Variants in LAPTM4A observed in about 807,000 individuals in gnomAD.
LAPTM4A encodes the protein lysosomal-associated transmembrane protein 4A.
A neutral mutation model predicts 29.9 loss-of-function variants in LAPTM4A; 19 were observed. The observed-to-expected ratio is 0.64, with a 90% CI of 0.44 to 0.93. The LOEUF is 0.93. Among genes scored for constraint, LAPTM4A ranks in the 40% least tolerant of loss-of-function variants. LAPTM4A has a pLI of 0.00. For synonymous variants in LAPTM4A, 105 were observed against 102.1 expected, an observed-to-expected ratio of 1.03 and a Z score of -0.17; for missense variants, 293 against 288.5, an observed-to-expected ratio of 1.02 and a Z score of -0.11.
chr2:20,040,223 A>G (rs528579008), intron 2 of LAPTM4A, among the ~76,000 whole-genome samples: 3 of 152,206 alleles, frequency 2.0e-5, no homozygotes, highest in Admixed American at 1.3e-4. Flanking sequence ...TAGTAGCTAC[A>G]TTAAAAAAAA....
At chr2:20,047,596 A>AGGAG (rs1371326761) in intron 1 of LAPTM4A, among the ~76,000 whole-genome samples, 27 of 149,934 alleles carry the variant, frequency 1.8e-4, no homozygotes, top group Admixed American at 4.0e-4. Flanking sequence ...AGGCTGAGGC[A>AGGAG]GGAGAATGGC....
chr2:20,049,465 G>A (rs1290638973), intron 1 of LAPTM4A, among the ~76,000 whole-genome samples: 4 of 152,192 alleles, frequency 2.6e-5, no homozygotes, highest in Admixed American at 2.6e-4. Context: ...GTAGGGAACA[G>A]ATGTAAACTC....
chr2:20,035,149 GCAC>G (rs914638729), intron 4 of LAPTM4A, 87 bp from the exon 5 acceptor site: 8 of 841,538 alleles, frequency 9.5e-6, no homozygotes, highest in Admixed American at 6.6e-5. Context: ...GAATACAAAG[GCAC>G]CAAAGTCAAA....
intron 1 of LAPTM4A, among the ~76,000 whole-genome samples, chr2:20,050,032 C>T (rs938678439): frequency 6.6e-6 from 1 of 152,122 alleles, no homozygotes; most frequent in Non-Finnish European, 1.5e-5. Flanking sequence ...AAATACAGAA[C>T]GAAAGAGTCT....
At chr2:20,034,924 G>A (rs903417385) in intron 5 of LAPTM4A, 43 bp downstream of exon 5, 3 of 1,369,710 alleles carry the variant, frequency 2.2e-6, no homozygotes, top group Non-Finnish European at 3.1e-6. Flanking sequence ...TAGATTCACA[G>A]TGTCAATCTC....
chr2:20,035,279 A>G, intron 4 of LAPTM4A: 1 of 491,474 alleles, frequency 2.0e-6, no homozygotes. Context: ...ATAACCCACA[A>G]TGCTCCAAAA....
Position 20,040,861 on chromosome 2 carries a change from G to A in LAPTM4A, c.232+30C>T, listed in dbSNP as rs746709919. 3.1e-6 allele frequency: 5 copies of A among 1,603,608 alleles called. No homozygotes were observed. In the South Asian group the frequency reaches 3.3e-5, roughly 11 times the overall value. On this transcript the variant is annotated intron_variant, in intron 2 of 6. Coordinates refer to ENST00000175091, the MANE Select transcript of LAPTM4A (RefSeq NM_014713.5). ...ACTGTATATAAAAATTAGCAGGGGA[G>A]ATTTTTTTGTTTTTCTATTAAACAC...
intron 4 of LAPTM4A, chr2:20,035,360 A>G (rs1182080639): frequency 3.1e-5 from 10 of 326,486 alleles, no homozygotes; most frequent in Non-Finnish European, 5.9e-5. Flanking sequence ...GAAAAACACT[A>G]TCGCCTATAT....
chr2:20,038,233 T>C (rs1233189713), intron 2 of LAPTM4A, among the ~76,000 whole-genome samples: 1 of 152,224 alleles, frequency 6.6e-6, no homozygotes, highest in Admixed American at 6.5e-5. Context: ...TCCTGCACCC[T>C]GGTATCTATG....
intron 1 of LAPTM4A, among the ~76,000 whole-genome samples, chr2:20,043,573 T>C (rs747286386): frequency 1.3e-5 from 2 of 152,236 alleles, no homozygotes; most frequent in Non-Finnish European, 2.9e-5. Context: ...TCACCTTGAA[T>C]GATAAACACA....
At chr2:20,046,745 A>G (rs1161449742) in intron 1 of LAPTM4A, among the ~76,000 whole-genome samples, 5 of 133,982 alleles carry the variant, frequency 3.7e-5, no homozygotes, top group Admixed American at 2.3e-4. Flanking sequence ...ATATAAATAT[A>G]TATTATATAA....
Position 20,051,484 on chromosome 2 carries a change from G to A in LAPTM4A, c.37C>T (p.Arg13Trp). ...CCGCAGCACCGGGTGCTGTAGAACC[G>A]GTCACTGCGGTTCCGCTTGAAACTC... is the stretch of plus-strand genomic sequence containing the variant. ...SMSFKRNRSDRFYSTRCCGCC... is the reference protein window; with the variant it reads ...SMSFKRNRSDWFYSTRCCGCC... Residue 13 changes from arginine (R) to tryptophan (W), a missense_variant, in exon 1 of 7, where the codon CGG (arginine) becomes TGG (tryptophan). By Grantham distance (101) the Arg-to-Trp change is moderately radical. Transcript: ENST00000175091. 4 of 1,612,224 alleles carry A rather than the reference G, an allele frequency of 2.5e-6. No homozygotes were observed. Among genetic ancestry groups the A allele is most frequent in the Non-Finnish European group, 3.4e-6 (4 of 1,179,196 alleles).
At chr2:20,041,142 T>C (rs1401839362) in intron 1 of LAPTM4A, 131 bp from the exon 2 acceptor site, 15 of 721,066 alleles carry the variant, frequency 2.1e-5, no homozygotes, top group Non-Finnish European at 3.4e-5. Flanking sequence ...AGTGGGAGAC[T>C]ACCTGTGAGA....
intron 1 of LAPTM4A, among the ~76,000 whole-genome samples, chr2:20,046,551 G>A (rs186200412): frequency 3.3e-5 from 5 of 151,182 alleles, no homozygotes; most frequent in African/African-American, 9.7e-5. Flanking sequence ...TAGTTACTGC[G>A]ATCTAGGCTC....
In LAPTM4A at chr2:20,050,163, T is replaced by C. The variant is rs137894745; in HGVS notation, c.111+1247A>G. 2.4e-3 allele frequency among the ~76,000 whole-genome samples: 361 copies of C among 152,290 alleles called. 1 individual carries two copies. Among genetic ancestry groups the C allele is most frequent in the African/African-American group, 8.3e-3 (347 of 41,568 alleles). ...ACACATTCGTGTTGTTTTTTAAATG[T>C]ACATCAGAAACAAGACGGTAAAAAA... On this transcript the variant is annotated intron_variant, in intron 1 of 6. Transcript: ENST00000175091.
intron 1 of LAPTM4A, among the ~76,000 whole-genome samples, chr2:20,050,554 C>CATATTTGG (rs1476188734): frequency 6.6e-6 from 1 of 152,130 alleles, no homozygotes; most frequent in Non-Finnish European, 1.5e-5. Context: ...AAGTCATAGA[C>CATATTTGG]AAGTTAGGTT....
At chr2:20,046,851 C>G (rs978148945) in intron 1 of LAPTM4A, among the ~76,000 whole-genome samples, 5 of 142,404 alleles carry the variant, frequency 3.5e-5, no homozygotes, top group African/African-American at 1.3e-4. Context: ...AGGCTGGTCT[C>G]GAACTCCTGG....
intron 6 of LAPTM4A, 149 bp from the exon 7 acceptor site, chr2:20,033,428 T>C (rs1008930084): frequency 1.8e-5 from 12 of 671,088 alleles, no homozygotes; most frequent in African/African-American, 1.4e-4. Context: ...TGTTCCCAAG[T>C]AGATGCCTCA....
intron 1 of LAPTM4A, among the ~76,000 whole-genome samples, chr2:20,043,878 G>A (rs1558386305): frequency 6.6e-6 from 1 of 152,152 alleles, no homozygotes; most frequent in Non-Finnish European, 1.5e-5. Flanking sequence ...CTGACAGATG[G>A]GAGAATCAGG....
Sources: allele counts gnomAD v4.1 joint callset (sites outside exome capture counted in the v4.1 genomes callset), GRCh38; gene constraint gnomAD v4.1.1; transcripts MANE v1.5; gene names NCBI Gene and HGNC (gene_info 2026-07-23, HGNC 2026-07-21).